The following PPP1CB variants were observed in gnomAD, a reference collection of about 807,000 sequenced individuals.
PPP1CB encodes the protein serine/threonine-protein phosphatase PP1-beta catalytic subunit.
Under a neutral mutation model 43.7 loss-of-function variants are expected in PPP1CB, and 2 were observed. The observed-to-expected ratio is 0.05, with a 90% CI of 0.02 to 0.14. The LOEUF (loss-of-function observed/expected upper bound fraction) is 0.14, where lower values mean the gene tolerates loss of function less well. PPP1CB is among the 10% of genes least tolerant of loss of function. The probability of loss-of-function intolerance (pLI) is 1.00; values close to 1 mark genes in which losing one functional copy is unlikely to be tolerated. For missense variants in PPP1CB, 84 were observed against 398.0 expected (o/e 0.21, Z 6.71); for synonymous variants, 136 against 135.6 (o/e 1.00, Z -0.02).
intron 2 of PPP1CB, among the ~76,000 whole-genome samples, chr2:28,777,843 A>T (rs1444369909): frequency 6.6e-6 from 1 of 152,106 alleles, no homozygotes. Flanking sequence ...TAGTAGAGAC[A>T]GGGTTTCTCC....
chr2:28,761,523 T>G (rs752402653), intron 1 of PPP1CB, among the ~76,000 whole-genome samples: 43 of 152,228 alleles, frequency 2.8e-4, no homozygotes, highest in Non-Finnish European at 3.8e-4. Context: ...CCGTCATTAT[T>G]GCTTAGTACA....
At chr2:28,792,750 G>C (rs1176557550) in intron 6 of PPP1CB, among the ~76,000 whole-genome samples, 2 of 152,126 alleles carry the variant, frequency 1.3e-5, no homozygotes, top group African/African-American at 4.8e-5. Context: ...AGTGGTGTCG[G>C]ATAATTTTGC....
At chr2:28,784,040 C>G (rs1667210773) in intron 5 of PPP1CB, 62 bp downstream of exon 5, 2 of 1,276,112 alleles carry the variant, frequency 1.6e-6, no homozygotes, top group South Asian at 2.5e-5. Context: ...AACTTGATTA[C>G]ATTTAGTGGA....
intron 7 of PPP1CB, among the ~76,000 whole-genome samples, chr2:28,795,748 G>T (rs757132921): frequency 2.6e-4 from 40 of 152,182 alleles, no homozygotes; most frequent in South Asian, 2.3e-3. Context: ...TAGGTTGTCT[G>T]TTTATTCTGT....
chr2:28,754,446 A>G (rs1441969880), intron 1 of PPP1CB, among the ~76,000 whole-genome samples: 2 of 152,120 alleles, frequency 1.3e-5, no homozygotes, highest in East Asian at 3.8e-4. Flanking sequence ...CAGCAATCCT[A>G]AGATAAGACA....
chr2:28,766,880 G>T (rs1305991286), intron 1 of PPP1CB, among the ~76,000 whole-genome samples: 1 of 152,176 alleles, frequency 6.6e-6, no homozygotes, highest in Non-Finnish European at 1.5e-5. Flanking sequence ...AGGAGATTGA[G>T]ATCATCCTGG....
At chr2:28,753,601 G>A (rs1435864960) in intron 1 of PPP1CB, among the ~76,000 whole-genome samples, 1 of 152,296 alleles carries the variant, frequency 6.6e-6, no homozygotes, top group African/African-American at 2.4e-5. Context: ...TGAACATCTT[G>A]CTGGGTCTTT....
At chr2:28,780,628 T>A (rs947370766) in intron 3 of PPP1CB, among the ~76,000 whole-genome samples, 1 of 152,094 alleles carries the variant, frequency 6.6e-6, no homozygotes. Flanking sequence ...AATGAAATAA[T>A]GTATGGGAGA....
chr2:28,752,907 A>C (rs1666362034), intron 1 of PPP1CB, among the ~76,000 whole-genome samples: 1 of 152,246 alleles, frequency 6.6e-6, no homozygotes, highest in African/African-American at 2.4e-5. Flanking sequence ...TTTCTGCACA[A>C]ACTTAGTGAA....
intron 7 of PPP1CB, 67 bp from the exon 8 acceptor site, chr2:28,799,132 A>G (rs769259708): frequency 2.0e-5 from 22 of 1,124,576 alleles, no homozygotes; most frequent in Middle Eastern, 2.2e-4. Flanking sequence ...GAAAATCACA[A>G]TTGTAACAAT....
chr2:28,790,414 A>G (rs1178842980), intron 6 of PPP1CB, among the ~76,000 whole-genome samples: 2 of 152,138 alleles, frequency 1.3e-5, no homozygotes, highest in Non-Finnish European at 2.9e-5. Flanking sequence ...ATCTCGGCTC[A>G]CTGCAACTTC....
chr2:28,771,316 G>T (rs1226607816), intron 1 of PPP1CB, among the ~76,000 whole-genome samples: 1 of 152,042 alleles, frequency 6.6e-6, no homozygotes, highest in Non-Finnish European at 1.5e-5. Context: ...CTCCCAAAGT[G>T]CTGGGATTAC....
intron 7 of PPP1CB, 108 bp downstream of exon 7, chr2:28,794,105 T>C: frequency 1.1e-6 from 1 of 912,302 alleles, no homozygotes; most frequent in Non-Finnish European, 1.6e-6. Context: ...AAAGTCTGTT[T>C]AATTCAGAAG....
At position 28,751,997 on chromosome 2, in the gene PPP1CB, G is replaced by T; in HGVS notation, c.-128G>T. On this transcript the variant is annotated 5_prime_UTR_variant, in exon 1 of 8. Transcript: ENST00000395366. The stretch of plus-strand genomic sequence containing the variant: ...GGGTGGGGGGAGGGCCCGGGAAAAG[G>T]GGGAGTTGGAGCCGGGGTCGAAACG... 1.1e-6 allele frequency: 1 copy of T among 878,332 alleles called. No individual in the cohort carries two copies. Among genetic ancestry groups the T allele is most frequent in the Non-Finnish European group, 1.9e-6 (1 of 536,956 alleles). 54.4% of individuals were successfully genotyped at this position (878,332 alleles called of 1,614,324 possible). A position where few individuals can be genotyped will look rare whatever the true frequency, so the allele number is the denominator to read the frequency against.
rs529855079 is a variant in PPP1CB, at chr2:28,763,218, T to C, written c.52+11042T>C. On this transcript the variant is annotated intron_variant, in intron 1 of 7. Coordinates refer to ENST00000395366, the MANE Select transcript of PPP1CB (RefSeq NM_002709.3). Reference sequence around the variant, plus strand: ...ATTTCCATTTTATCATGTAGATTATTAAAGAGATGTATTCAAAGATTGAAG... The same window carrying C: ...ATTTCCATTTTATCATGTAGATTATCAAAGAGATGTATTCAAAGATTGAAG... Among the ~76,000 whole-genome samples, 6 of 152,348 alleles carry C rather than the reference T, an allele frequency of 3.9e-5. No individual in the cohort carries two copies. The East Asian group carries it at 1.2e-3, about 29-fold the overall frequency.
At chr2:28,775,583 C>T (rs1667020969) in intron 1 of PPP1CB, among the ~76,000 whole-genome samples, 1 of 152,134 alleles carries the variant, frequency 6.6e-6, no homozygotes, top group African/African-American at 2.4e-5. Context: ...TGCTTTGCTG[C>T]CCAGGCTGGT....
At chr2:28,754,498 T>C (rs780925456) in intron 1 of PPP1CB, among the ~76,000 whole-genome samples, 6 of 152,182 alleles carry the variant, frequency 3.9e-5, no homozygotes, top group African/African-American at 7.2e-5. Flanking sequence ...AACAAGTGTC[T>C]TTCAGGCTTT....
intron 1 of PPP1CB, among the ~76,000 whole-genome samples, chr2:28,775,462 C>A (rs1482971464): frequency 6.6e-6 from 1 of 152,086 alleles, no homozygotes; most frequent in Non-Finnish European, 1.5e-5. Context: ...GACTGAAATG[C>A]CCTAGTGCCA....
intron 6 of PPP1CB, among the ~76,000 whole-genome samples, chr2:28,789,593 A>ATTTT (rs70956041): frequency 9.3e-5 from 9 of 96,534 alleles, no homozygotes; most frequent in Non-Finnish European, 1.3e-4. Context: ...TATGATTTAG[A>ATTTT]TTTTTTTTTT....
Sources: gnomAD v4.1 joint callset for allele counts (sites outside exome capture counted in the v4.1 genomes callset) on GRCh38, gnomAD v4.1.1 for gene constraint, MANE v1.5 for transcripts, NCBI Gene and HGNC (gene_info 2026-07-23, HGNC 2026-07-21) for gene names.